Variants in SGCD observed in about 807,000 individuals in gnomAD.
SGCD encodes the protein delta-sarcoglycan.
Under a neutral mutation model 36.6 loss-of-function variants are expected in SGCD, and 18 were observed. The observed-to-expected ratio is 0.49, with a 90% CI of 0.34 to 0.73. The LOEUF (loss-of-function observed/expected upper bound fraction) is 0.73, where lower values mean the gene tolerates loss of function less well. Ranked by LOEUF, SGCD falls within the 30% of genes least tolerant of loss-of-function variation. SGCD has a pLI of 0.01. For synonymous variants in SGCD, 133 were observed against 130.6 expected, an observed-to-expected ratio of 1.02 and a Z score of -0.12; for missense variants, 387 against 346.7, an observed-to-expected ratio of 1.12 and a Z score of -0.92.
At chr5:156,073,115 A>G (rs972341155) in intron 1 of SGCD, among the ~76,000 whole-genome samples, 4 of 152,118 alleles carry the variant, frequency 2.6e-5, no homozygotes, top group African/African-American at 9.7e-5. Flanking sequence ...TCATCTGAAG[A>G]GAATATGGCC....
At chr5:155,797,389 A>C in the SGCD span, among the ~76,000 whole-genome samples, 2 of 152,238 alleles carry the variant, frequency 1.3e-5, no homozygotes, top group South Asian at 4.1e-4. Flanking sequence ...CTGAGAACCT[A>C]GGTATTATCC....
chr5:156,629,828 G>C (rs376577513), intron 6 of SGCD, among the ~76,000 whole-genome samples: 13 of 149,750 alleles, frequency 8.7e-5, no homozygotes, highest in African/African-American at 3.2e-4. Flanking sequence ...CCAGTCCCTG[G>C]TCTAGGCTCT....
intron 6 of SGCD, among the ~76,000 whole-genome samples, chr5:156,642,188 T>A (rs746166681): frequency 2.0e-5 from 3 of 152,114 alleles, no homozygotes; most frequent in Non-Finnish European, 4.4e-5. Flanking sequence ...GATGACCTCA[T>A]CTAAACCTAA....
chr5:156,608,724 G>T (rs1217063392), intron 6 of SGCD, among the ~76,000 whole-genome samples: 1 of 152,112 alleles, frequency 6.6e-6, no homozygotes, highest in Non-Finnish European at 1.5e-5. Flanking sequence ...GAATCTGGGT[G>T]CTCCTGTATT....
chr5:156,402,821 G>A (rs1472241259), intron 3 of SGCD, among the ~76,000 whole-genome samples: 1 of 152,162 alleles, frequency 6.6e-6, no homozygotes. Context: ...GTGAGCACTA[G>A]GGCTCTTTGT....
chr5:156,471,511 C>T (rs1467174819), intron 3 of SGCD, among the ~76,000 whole-genome samples: 1 of 152,064 alleles, frequency 6.6e-6, no homozygotes, highest in Non-Finnish European at 1.5e-5. Context: ...AACACACATA[C>T]CGTCAATTGA....
At chr5:156,432,007 C>T (rs1753034770) in intron 3 of SGCD, among the ~76,000 whole-genome samples, 1 of 152,198 alleles carries the variant, frequency 6.6e-6, no homozygotes, top group African/African-American at 2.4e-5. Context: ...TGAGCCACCG[C>T]ACCCAGCCAG....
chr5:156,168,831 C>T (rs1343638988), intron 3 of SGCD, among the ~76,000 whole-genome samples: 2 of 152,142 alleles, frequency 1.3e-5, no homozygotes, highest in Admixed American at 1.3e-4. Flanking sequence ...GAGTAAGGCT[C>T]AGGCTGAACT....
At chr5:155,966,049 T>A (rs1757897321) in intron 1 of SGCD, among the ~76,000 whole-genome samples, 1 of 152,094 alleles carries the variant, frequency 6.6e-6, no homozygotes, top group African/African-American at 2.4e-5. Flanking sequence ...ATTAAAAGGT[T>A]ACAAATCCTG....
At chr5:156,144,275 A>C (rs1450563157) in intron 3 of SGCD, among the ~76,000 whole-genome samples, 6 of 151,976 alleles carry the variant, frequency 3.9e-5, no homozygotes, top group Non-Finnish European at 8.8e-5. Context: ...GCTGGGTCAA[A>C]TGGTATTTCT....
chr5:155,833,053 C>CAAAAAA, the SGCD span, among the ~76,000 whole-genome samples: 7 of 90,332 alleles, frequency 7.7e-5, no homozygotes, highest in African/African-American at 2.4e-4. Flanking sequence ...ACTAAAAATA[C>CAAAAAA]GAAAAAAAAA....
intron 1 of SGCD, among the ~76,000 whole-genome samples, chr5:155,914,424 G>A (rs1363631232): frequency 6.6e-6 from 1 of 152,158 alleles, no homozygotes; most frequent in East Asian, 1.9e-4. Flanking sequence ...GCTCTAGATG[G>A]CGTTGAGATA....
chr5:155,830,961 G>A, the SGCD span, among the ~76,000 whole-genome samples: 1 of 152,122 alleles, frequency 6.6e-6, no homozygotes, highest in Admixed American at 6.5e-5. Flanking sequence ...TTCTTTTCAA[G>A]CTTAAATTCA....
intron 1 of SGCD, among the ~76,000 whole-genome samples, chr5:155,922,369 C>G (rs936604912): frequency 6.6e-6 from 1 of 152,200 alleles, no homozygotes; most frequent in African/African-American, 2.4e-5. Flanking sequence ...GCCTGAACCC[C>G]CACCTCCCAG....
intron 3 of SGCD, among the ~76,000 whole-genome samples, chr5:156,304,795 A>T: frequency 6.6e-6 from 1 of 152,258 alleles, no homozygotes; most frequent in East Asian, 1.9e-4. Flanking sequence ...GAACAATAAG[A>T]TCCAGTCTGA....
At chr5:156,174,247 G>A (rs938480174) in intron 3 of SGCD, among the ~76,000 whole-genome samples, 6 of 152,180 alleles carry the variant, frequency 3.9e-5, no homozygotes, top group East Asian at 1.9e-4. Context: ...AATTGAAGTC[G>A]GTAGAGGGGA....
chr5:155,887,463 C>A (rs1165515257), intron 1 of SGCD, among the ~76,000 whole-genome samples: 1 of 152,188 alleles, frequency 6.6e-6, no homozygotes, highest in African/African-American at 2.4e-5. Context: ...CCCTTTAGCG[C>A]ATCCTGGAAC....
chr5:156,215,034 C>A lies in SGCD; in HGVS notation c.-44+91015C>A, dbSNP rs568645144. Among the ~76,000 whole-genome samples, 14 of 152,122 alleles carry A rather than the reference C, an allele frequency of 9.2e-5. No individual in the cohort carries two copies. In the South Asian group the frequency reaches 2.9e-3, roughly 32 times the overall value. ...CCCAAATCCAAAATCTGAAATACCT[C>A]AAAATCTGAAACTTTTTCAGTGCCA... On this transcript the variant is annotated intron_variant, in intron 3 of 9. Coordinates refer to the SGCD transcript ENST00000517913.
chr5:156,061,565 A>G (rs1561701501), intron 1 of SGCD, among the ~76,000 whole-genome samples: 1 of 146,458 alleles, frequency 6.8e-6, no homozygotes, highest in East Asian at 1.9e-4. Flanking sequence ...ATGTTAATGA[A>G]TTGGACCCCT....
Sources: gnomAD v4.1 joint callset for allele counts (sites outside exome capture counted in the v4.1 genomes callset) on GRCh38, gnomAD v4.1.1 for gene constraint, MANE v1.5 for transcripts, NCBI Gene and HGNC (gene_info 2026-07-23, HGNC 2026-07-21) for gene names.